ASIC2: variants seen among roughly 807,000 people sequenced by gnomAD.
The protein encoded by ASIC2 is acid sensing ion channel subunit 2, also known as acid-sensing ion channel 2.
In ASIC2, 25 loss-of-function variants were observed where a neutral mutation model predicts 57.3. That is an observed-to-expected ratio of 0.44 (90% CI 0.32 to 0.61). ASIC2 has a LOEUF of 0.61. Among genes scored for constraint, ASIC2 ranks in the 20% least tolerant of loss-of-function variants. The pLI, the probability that ASIC2 is intolerant of heterozygous loss-of-function variation, is 0.06. For synonymous variants in ASIC2, 319 were observed against 307.5 expected, an observed-to-expected ratio of 1.04 and a Z score of -0.39; for missense variants, 641 against 738.1, an observed-to-expected ratio of 0.87 and a Z score of 1.52.
chr17:33,397,403 A>T (rs575843650), intron 1 of ASIC2, among the ~76,000 whole-genome samples: 1 of 152,224 alleles, frequency 6.6e-6, no homozygotes, highest in Non-Finnish European at 1.5e-5. Flanking sequence ...GGTAGAAGTC[A>T]CTCTGCTCTG....
At chr17:33,507,005 G>A (rs1330812871) in intron 1 of ASIC2, among the ~76,000 whole-genome samples, 6 of 152,174 alleles carry the variant, frequency 3.9e-5, no homozygotes, top group Non-Finnish European at 8.8e-5. Flanking sequence ...TTAACAGCCT[G>A]ATTCATTAGG....
chr17:33,621,295 T>G (rs535591830), intron 1 of ASIC2, among the ~76,000 whole-genome samples: 55 of 152,356 alleles, frequency 3.6e-4, no homozygotes, highest in African/African-American at 1.3e-3. Flanking sequence ...CACTGTACCC[T>G]GAATGCCCAC....
intron 1 of ASIC2, among the ~76,000 whole-genome samples, chr17:33,659,752 G>C (rs1039520803): frequency 6.6e-6 from 1 of 151,792 alleles, no homozygotes; most frequent in Non-Finnish European, 1.5e-5. Context: ...GGCGCCTGTA[G>C]TCCCAGCTAC....
chr17:33,323,086 G>C (rs1906932161), intron 1 of ASIC2, among the ~76,000 whole-genome samples: 1 of 152,166 alleles, frequency 6.6e-6, no homozygotes, highest in Non-Finnish European at 1.5e-5. Flanking sequence ...GCTGCTGGTA[G>C]GAGTGCAAAT....
At chr17:33,995,179 T>C (rs887492392) in intron 1 of ASIC2, among the ~76,000 whole-genome samples, 4 of 152,160 alleles carry the variant, frequency 2.6e-5, no homozygotes, top group Non-Finnish European at 4.4e-5. Context: ...CTGTGAAGCA[T>C]GGCAGGGAGA....
intron 1 of ASIC2, among the ~76,000 whole-genome samples, chr17:34,025,155 A>G (rs916188278): frequency 1.3e-5 from 2 of 152,212 alleles, no homozygotes; most frequent in African/African-American, 4.8e-5. Context: ...CTCTGCCTCA[A>G]GCAGATCTGA....
intron 1 of ASIC2, among the ~76,000 whole-genome samples, chr17:33,760,659 G>T (rs1175090650): frequency 6.6e-6 from 1 of 151,940 alleles, no homozygotes; most frequent in Non-Finnish European, 1.5e-5. Context: ...GTATGTGGGT[G>T]TGTGTGTATA....
intron 3 of ASIC2, among the ~76,000 whole-genome samples, chr17:33,029,872 C>T (rs186180532): frequency 8.5e-5 from 13 of 152,278 alleles, no homozygotes; most frequent in Admixed American, 3.3e-4. Context: ...GGTTCCCTGA[C>T]GGATGATTTT....
intron 1 of ASIC2, among the ~76,000 whole-genome samples, chr17:33,136,595 G>A (rs528730157): frequency 6.6e-6 from 1 of 152,236 alleles, no homozygotes; most frequent in African/African-American, 2.4e-5. Context: ...ATTTGTGTGT[G>A]TGTGAGTTGG....
intron 1 of ASIC2, among the ~76,000 whole-genome samples, chr17:33,506,905 C>T (rs1020729401): frequency 6.6e-5 from 10 of 152,146 alleles, no homozygotes; most frequent in African/African-American, 2.2e-4. Flanking sequence ...CCCAGCACAC[C>T]AGCTGGACTA....
chr17:33,099,924 T>C (rs1039936706), intron 2 of ASIC2: 5 of 152,246 alleles, frequency 3.3e-5, no homozygotes, highest in African/African-American at 1.2e-4. Context: ...TTTTTTGTTA[T>C]ACAATATTCT....
chr17:33,312,554 A>G (rs565814703), intron 1 of ASIC2, among the ~76,000 whole-genome samples: 1 of 152,206 alleles, frequency 6.6e-6, no homozygotes, highest in African/African-American at 2.4e-5. Flanking sequence ...CAGCCATGCT[A>G]TGAGTAAGAA....
chr17:33,023,630 G>A (rs1224606204), intron 6 of ASIC2, among the ~76,000 whole-genome samples: 1 of 152,066 alleles, frequency 6.6e-6, no homozygotes, highest in Non-Finnish European at 1.5e-5. Context: ...CATTCAGTGT[G>A]TGCTTGTCTC....
intron 1 of ASIC2, among the ~76,000 whole-genome samples, chr17:33,523,847 G>A (rs1914812841): frequency 6.6e-6 from 1 of 152,202 alleles, no homozygotes; most frequent in African/African-American, 2.4e-5. Context: ...TGCAATCTCA[G>A]AACAGCTGGG....
intron 1 of ASIC2, among the ~76,000 whole-genome samples, chr17:33,700,743 T>G (rs1908672422): frequency 6.6e-6 from 1 of 152,172 alleles, no homozygotes; most frequent in South Asian, 2.1e-4. Context: ...AATCCATGCG[T>G]TGATCACTAG....
chr17:33,967,952 G>A (rs1345278658), intron 1 of ASIC2, among the ~76,000 whole-genome samples: 1 of 152,134 alleles, frequency 6.6e-6, no homozygotes, highest in Admixed American at 6.5e-5. Context: ...TTGTCATTCT[G>A]TTCAGGGCCC....
chr17:33,614,273 G>C (rs981631985), intron 1 of ASIC2, among the ~76,000 whole-genome samples: 18 of 152,280 alleles, frequency 1.2e-4, no homozygotes, highest in African/African-American at 4.3e-4. Flanking sequence ...AAACAATGCA[G>C]TGTTCAGAGG....
chr17:33,651,314 T>G (rs1400035655), intron 1 of ASIC2, among the ~76,000 whole-genome samples: 1 of 152,228 alleles, frequency 6.6e-6, no homozygotes, highest in African/African-American at 2.4e-5. Context: ...GTAGAACTTT[T>G]CGTATTAATT....
intron 1 of ASIC2, among the ~76,000 whole-genome samples, chr17:33,981,623 G>A (rs1442118056): frequency 1.3e-5 from 2 of 151,512 alleles, no homozygotes; most frequent in Non-Finnish European, 2.9e-5. Context: ...AAGAAGGAAG[G>A]GAGAGAGAAA....
Sources: gnomAD v4.1 joint callset for allele counts (sites outside exome capture counted in the v4.1 genomes callset) on GRCh38, gnomAD v4.1.1 for gene constraint, MANE v1.5 for transcripts, NCBI Gene and HGNC (gene_info 2026-07-23, HGNC 2026-07-21) for gene names.